Variants in ERBIN observed in about 807,000 individuals in gnomAD.
ERBIN encodes the protein erbb2 interacting protein.
A neutral mutation model predicts 158.4 loss-of-function variants in ERBIN; 60 were observed. The observed-to-expected ratio is 0.38, with a 90% CI of 0.31 to 0.47. The LOEUF is 0.47. Among genes scored for constraint, ERBIN ranks in the 20% least tolerant of loss-of-function variants. ERBIN has a pLI of 0.99. For synonymous variants in ERBIN, 594 were observed against 557.2 expected, an observed-to-expected ratio of 1.07 and a Z score of -0.93; for missense variants, 1,610 against 1,648.0, an observed-to-expected ratio of 0.98 and a Z score of 0.40.
intron 1 of ERBIN, among the ~76,000 whole-genome samples, chr5:65,982,358 T>G (rs1404893176): frequency 2.0e-5 from 3 of 152,234 alleles, no homozygotes; most frequent in Non-Finnish European, 4.4e-5. Context: ...TTGCTTAGTG[T>G]TATTATCCTA....
At chr5:66,017,465 A>C (rs1168273593) in intron 7 of ERBIN, among the ~76,000 whole-genome samples, 1 of 150,820 alleles carries the variant, frequency 6.6e-6, no homozygotes, top group Non-Finnish European at 1.5e-5. Context: ...TGTCATTTGC[A>C]CGTCTTCTTT....
At chr5:66,031,865 G>A (rs1421027192) in intron 14 of ERBIN, among the ~76,000 whole-genome samples, 3 of 152,016 alleles carry the variant, frequency 2.0e-5, no homozygotes, top group Non-Finnish European at 4.4e-5. Flanking sequence ...AAGAGGAATA[G>A]GATTTTTGTC....
intron 1 of ERBIN, among the ~76,000 whole-genome samples, chr5:65,980,656 C>T (rs1750552701): frequency 6.6e-6 from 1 of 151,594 alleles, no homozygotes; most frequent in African/African-American, 2.4e-5. Flanking sequence ...TAACACTAAT[C>T]AAGAGAAAGC....
intron 1 of ERBIN, among the ~76,000 whole-genome samples, chr5:65,971,755 C>T (rs1749269878): frequency 6.6e-6 from 1 of 152,196 alleles, no homozygotes; most frequent in South Asian, 2.1e-4. Context: ...TACAGTTCCG[C>T]TAAATGCAGG....
intron 1 of ERBIN, among the ~76,000 whole-genome samples, chr5:65,953,716 T>G (rs927169655): frequency 1.3e-5 from 2 of 152,268 alleles, no homozygotes; most frequent in Non-Finnish European, 2.9e-5. Flanking sequence ...TTTGTTGTTT[T>G]GAAACTAGAA....
At chr5:66,037,069 A>G (rs1370487079) in intron 14 of ERBIN, among the ~76,000 whole-genome samples, 1 of 152,196 alleles carries the variant, frequency 6.6e-6, no homozygotes, top group Non-Finnish European at 1.5e-5. Context: ...TTTCAGGGTG[A>G]TGAGTTTTTA....
chr5:66,014,527 A>G (rs1043962212), intron 6 of ERBIN, 142 bp from the exon 7 acceptor site: 7 of 461,096 alleles, frequency 1.5e-5, no homozygotes, highest in Admixed American at 4.5e-5. Context: ...TTTGTATTTT[A>G]TGTTCTGTAA....
At position 66,018,539 on chromosome 5, in the gene ERBIN, ATATATATTATATAT is replaced by A. The variant is rs1411187908; in HGVS notation, c.534-2776_534-2763del. 3.2e-4 allele frequency among the ~76,000 whole-genome samples: 3 copies of A among 9,484 alleles called. 1 individual carries two copies. Among genetic ancestry groups the A allele is most frequent in the Non-Finnish European group, 1.2e-3 (3 of 2,560 alleles). The allele number at this position is 9,484 out of a possible 152,430, so 6.2% of individuals were successfully genotyped here. Reference sequence around the variant, plus strand: ...TATATAATATATATTATATTATATAATATATATTATATATTATATAATATATATTATATTATATA... The same window carrying A: ...TATATAATATATATTATATTATATAATATATAATATATATTATATTATATA... On this transcript the variant is annotated intron_variant, in intron 7 of 25. Coordinates refer to ENST00000284037, the MANE Select transcript of ERBIN (RefSeq NM_001253697.2).
At chr5:66,061,886 G>T (rs1307253944) in intron 21 of ERBIN, among the ~76,000 whole-genome samples, 2 of 152,184 alleles carry the variant, frequency 1.3e-5, no homozygotes, top group African/African-American at 4.8e-5. Context: ...CTCTCTTCTG[G>T]CTTGTAGAGT....
chr5:66,046,519 A>G lies in ERBIN; in HGVS notation c.1769A>G (p.Asn590Ser). 3 of 1,586,150 alleles carry G rather than the reference A, an allele frequency of 1.9e-6. No individual in the cohort carries two copies. The highest frequency in any genetic ancestry group is 2.6e-6 in the Non-Finnish European group (3 of 1,166,760). Residue 590 changes from asparagine to serine, a missense_variant, in exon 18 of 26, where the codon AAC (asparagine) becomes AGC (serine). Physicochemically the swap from Asn to Ser is conservative, Grantham distance 46 (BLOSUM62 1). Transcript: ENST00000284037. ...KASENLKHIV[N>S]HDDVFEESEE... ...TCTGAGAACTTGAAGCATATTGTTA[A>G]CCATGATGATGTTTTTGAGGTATGA...
intron 7 of ERBIN, among the ~76,000 whole-genome samples, chr5:66,020,334 T>G (rs1755557642): frequency 6.6e-6 from 1 of 152,092 alleles, no homozygotes; most frequent in South Asian, 2.1e-4. Flanking sequence ...TAATTTTTGT[T>G]AAAATTCCAG....
At chr5:66,016,701 C>T (rs1362603975) in intron 7 of ERBIN, among the ~76,000 whole-genome samples, 1 of 151,748 alleles carries the variant, frequency 6.6e-6, no homozygotes, top group Non-Finnish European at 1.5e-5. Flanking sequence ...GCACCCTCCG[C>T]CCCCCAAGTT....
At position 66,038,333 on chromosome 5, in the gene ERBIN, A is replaced by G. The variant is rs190867076; in HGVS notation, c.1207-50A>G. The G allele has an allele frequency of 9.5e-5, 116 of 1,215,146 alleles. No individual in the cohort carries two copies. In the East Asian group the frequency reaches 2.3e-3, roughly 24 times the overall value. 75.3% of individuals were successfully genotyped at this position (1,215,146 alleles called of 1,614,324 possible). ...CTTATGCAGAGGAATTGCTGAATAT[A>G]TATTTGCTTTAGGGTTATTGAAAAT... On this transcript the variant is annotated intron_variant, in intron 14 of 25. Coordinates refer to ENST00000284037, the MANE Select transcript of ERBIN (RefSeq NM_001253697.2).
intron 4 of ERBIN, among the ~76,000 whole-genome samples, chr5:66,009,037 A>G (rs1039162145): frequency 1.3e-5 from 2 of 152,212 alleles, no homozygotes; most frequent in Admixed American, 6.5e-5. Context: ...ACTTTTTCAC[A>G]GTAATTCAAA....
At chr5:66,057,920 A>C (rs1196207032) in intron 21 of ERBIN, among the ~76,000 whole-genome samples, 3 of 150,020 alleles carry the variant, frequency 2.0e-5, no homozygotes, top group African/African-American at 7.6e-5. Context: ...ACATTTTCTT[A>C]ATCCAGTCTA....
chr5:65,970,572 T>A (rs1381583763), intron 1 of ERBIN, among the ~76,000 whole-genome samples: 1 of 152,186 alleles, frequency 6.6e-6, no homozygotes, highest in Non-Finnish European at 1.5e-5. Context: ...TGGTCTCCTT[T>A]TTCCCCACAT....
chr5:65,985,670 A>G (rs6887115), intron 1 of ERBIN, among the ~76,000 whole-genome samples: 4,838 of 152,260 alleles, frequency 0.032, 128 homozygotes, highest in African/African-American at 0.072. Flanking sequence ...GTTTCTATCT[A>G]TCTGTCTACA....
At chr5:65,982,943 G>T (rs1452152815) in intron 1 of ERBIN, among the ~76,000 whole-genome samples, 1 of 152,170 alleles carries the variant, frequency 6.6e-6, no homozygotes, top group African/African-American at 2.4e-5. Flanking sequence ...ACCTTGTAGG[G>T]TGATGGAAAT....
At chr5:66,018,782 G>A (rs554691608) in intron 7 of ERBIN, among the ~76,000 whole-genome samples, 48 of 147,522 alleles carry the variant, frequency 3.3e-4, no homozygotes, top group Middle Eastern at 3.4e-3. Context: ...GACTACAGGC[G>A]CCCGCCACTA....
Sources: gnomAD v4.1 joint callset for allele counts (sites outside exome capture counted in the v4.1 genomes callset) on GRCh38, gnomAD v4.1.1 for gene constraint, MANE v1.5 for transcripts, NCBI Gene and HGNC (gene_info 2026-07-23, HGNC 2026-07-21) for gene names.